ESRRG: variants seen among roughly 807,000 people sequenced by gnomAD.
ESRRG encodes the protein estrogen related receptor gamma.
A neutral mutation model predicts 44.0 loss-of-function variants in ESRRG; 13 were observed. That is an observed-to-expected ratio of 0.30 (90% CI 0.19 to 0.47). The LOEUF is 0.47. Among genes scored for constraint, ESRRG ranks in the 20% least tolerant of loss-of-function variants. The pLI, the probability that ESRRG is intolerant of heterozygous loss-of-function variation, is 1.00. For synonymous variants in ESRRG, 215 were observed against 214.6 expected, an observed-to-expected ratio of 1.00 and a Z score of -0.02; for missense variants, 395 against 580.6, an observed-to-expected ratio of 0.68 and a Z score of 3.29.
At chr1:216,949,064 G>A (rs760338735) in intron 1 of ESRRG, among the ~76,000 whole-genome samples, 6 of 152,112 alleles carry the variant, frequency 3.9e-5, no homozygotes, top group Admixed American at 6.6e-5. Flanking sequence ...AGAAGAGAGC[G>A]CTCTGCCTTC....
chr1:216,783,435 C>T (rs2094006091), intron 2 of ESRRG, among the ~76,000 whole-genome samples: 1 of 152,074 alleles, frequency 6.6e-6, no homozygotes, highest in Non-Finnish European at 1.5e-5. Context: ...TTCTCTTTTA[C>T]AGTTTCAATT....
At chr1:216,872,042 T>A (rs940239292) in intron 2 of ESRRG, among the ~76,000 whole-genome samples, 1 of 152,138 alleles carries the variant, frequency 6.6e-6, no homozygotes, top group Non-Finnish European at 1.5e-5. Flanking sequence ...ATGTCTTTAG[T>A]TCACCTTCAT....
chr1:217,034,715 T>G (rs1216659683), intron 1 of ESRRG, among the ~76,000 whole-genome samples: 2 of 152,162 alleles, frequency 1.3e-5, no homozygotes, highest in Non-Finnish European at 2.9e-5. Flanking sequence ...GCAGCGTTGG[T>G]CCACGCTCCT....
intron 1 of ESRRG, among the ~76,000 whole-genome samples, chr1:217,072,558 A>C (rs1487029504): frequency 1.3e-5 from 2 of 152,206 alleles, no homozygotes; most frequent in Non-Finnish European, 2.9e-5. Context: ...CTTTACAACA[A>C]AGGGAACCAC....
intron 2 of ESRRG, among the ~76,000 whole-genome samples, chr1:216,887,681 G>A (rs967605249): frequency 6.6e-6 from 1 of 152,116 alleles, no homozygotes; most frequent in Non-Finnish European, 1.5e-5. Context: ...GCCACATGCT[G>A]AAACTCCTAC....
intron 1 of ESRRG, among the ~76,000 whole-genome samples, chr1:217,042,805 G>A (rs1477317669): frequency 6.6e-6 from 1 of 152,048 alleles, no homozygotes; most frequent in Admixed American, 6.6e-5. Context: ...CTCTGATTTG[G>A]CAAGGAGTGG....
At chr1:216,842,295 C>T (rs1166332257) in intron 2 of ESRRG, among the ~76,000 whole-genome samples, 1 of 152,084 alleles carries the variant, frequency 6.6e-6, no homozygotes, top group South Asian at 2.1e-4. Flanking sequence ...AACCCTGGTT[C>T]GTAGTTCAGA....
upstream of ESRRG, among the ~76,000 whole-genome samples, chr1:217,093,332 G>A (rs2092376980): frequency 6.6e-6 from 1 of 152,086 alleles, no homozygotes; most frequent in Admixed American, 6.6e-5. Flanking sequence ...ATGTGAGAGA[G>A]GAGAAAAAGC....
intron 3 of ESRRG, among the ~76,000 whole-genome samples, chr1:216,579,955 G>A (rs868704446): frequency 3.3e-5 from 5 of 152,082 alleles, no homozygotes; most frequent in Admixed American, 6.6e-5. Flanking sequence ...AACTGCAAAC[G>A]TCAAGGTATT....
intron 2 of ESRRG, among the ~76,000 whole-genome samples, chr1:216,860,844 T>C (rs2096040730): frequency 1.3e-5 from 2 of 152,162 alleles, no homozygotes; most frequent in Admixed American, 6.5e-5. Context: ...ATTTATTTGC[T>C]ATTATTATTA....
intron 2 of ESRRG, among the ~76,000 whole-genome samples, chr1:216,916,523 T>C (rs1305146784): frequency 6.6e-6 from 1 of 152,214 alleles, no homozygotes; most frequent in Non-Finnish European, 1.5e-5. Context: ...GAATGAGAAT[T>C]TGGGGACACA....
chr1:216,701,756 C>G (rs931861080), intron 1 of ESRRG, among the ~76,000 whole-genome samples: 2 of 152,198 alleles, frequency 1.3e-5, no homozygotes, highest in Non-Finnish European at 2.9e-5. Flanking sequence ...CCCTTCTTCC[C>G]TATGAATTTG....
At chr1:216,561,923 T>C (rs942348670) in intron 5 of ESRRG, among the ~76,000 whole-genome samples, 2 of 152,152 alleles carry the variant, frequency 1.3e-5, no homozygotes, top group Admixed American at 6.5e-5. Flanking sequence ...CATAATCGTA[T>C]AGTAATTGTT....
intron 3 of ESRRG, among the ~76,000 whole-genome samples, chr1:216,614,801 G>A (rs2061189456): frequency 6.6e-6 from 1 of 152,058 alleles, no homozygotes; most frequent in Admixed American, 6.6e-5. Flanking sequence ...CTGTTTAGCT[G>A]GTGCATTTAA....
chr1:216,552,224 GATATA>G (rs1051748075), intron 5 of ESRRG, among the ~76,000 whole-genome samples: 128 of 152,072 alleles, frequency 8.4e-4, no homozygotes, highest in African/African-American at 2.9e-3. Context: ...TATAAAATGT[GATATA>G]ATATAGGAAA....
chr1:216,866,584 T>G (rs1011178758), intron 2 of ESRRG, among the ~76,000 whole-genome samples: 1 of 151,896 alleles, frequency 6.6e-6, no homozygotes, highest in African/African-American at 2.4e-5. Flanking sequence ...TTTATTTTTT[T>G]TCTTTGAGAT....
chr1:216,617,959 T>C (rs145880896), intron 3 of ESRRG, among the ~76,000 whole-genome samples: 46 of 152,324 alleles, frequency 3.0e-4, no homozygotes, highest in African/African-American at 9.4e-4. Context: ...GGAAGGTTGA[T>C]GGCATGAATA....
chr1:216,879,891 C>G (rs2096415697), intron 2 of ESRRG, among the ~76,000 whole-genome samples: 1 of 152,146 alleles, frequency 6.6e-6, no homozygotes, highest in South Asian at 2.1e-4. Context: ...AATAATACAT[C>G]ACTAACTAGG....
chr1:216,672,276 C>T (rs796942333), intron 2 of ESRRG, among the ~76,000 whole-genome samples: 6 of 152,272 alleles, frequency 3.9e-5, no homozygotes, highest in African/African-American at 1.4e-4. Context: ...AAAAACAAAA[C>T]AGCAAAACTT....
Sources: allele counts gnomAD v4.1 joint callset (sites outside exome capture counted in the v4.1 genomes callset), GRCh38; gene constraint gnomAD v4.1.1; transcripts MANE v1.5; gene names NCBI Gene and HGNC (gene_info 2026-07-23, HGNC 2026-07-21).